Variants in PIEZO2 observed in about 807,000 individuals in gnomAD.
PIEZO2 encodes the protein piezo type mechanosensitive ion channel component 2.
In PIEZO2, 172 loss-of-function variants were observed where a neutral mutation model predicts 337.3. That is an observed-to-expected ratio of 0.51 (90% CI 0.45 to 0.58). The LOEUF (loss-of-function observed/expected upper bound fraction) is 0.58. PIEZO2 is among the 20% of genes least tolerant of loss of function. The probability of loss-of-function intolerance (pLI) is 0.00; values close to 1 mark genes in which losing one functional copy is unlikely to be tolerated. For synonymous variants in PIEZO2, 1,251 were observed against 1,228.5 expected (o/e 1.02, Z -0.38); for missense variants, 3,028 against 3,391.3 (o/e 0.89, Z 2.66).
chr18:11,085,290 C>A (rs574588993), intron 1 of PIEZO2, among the ~76,000 whole-genome samples: 35 of 152,274 alleles, frequency 2.3e-4, no homozygotes, highest in African/African-American at 8.2e-4. Context: ...CTGGCCCCAG[C>A]ATTCCAGACC....
intron 35 of PIEZO2, among the ~76,000 whole-genome samples, chr18:10,731,817 G>A (rs191363699): frequency 1.7e-4 from 26 of 152,248 alleles, no homozygotes; most frequent in East Asian, 1.9e-4. Flanking sequence ...ACTTATTACT[G>A]ATGCTTTTGC....
chr18:10,742,248 G>T (rs1262868921), intron 32 of PIEZO2, among the ~76,000 whole-genome samples: 4 of 152,186 alleles, frequency 2.6e-5, no homozygotes, highest in Non-Finnish European at 5.9e-5. Flanking sequence ...CAAAAGCTAG[G>T]TTATGTATTT....
At position 10,863,098 on chromosome 18, in the gene PIEZO2, A is replaced by G. The variant is rs1219188228; in HGVS notation, c.493-5887T>C. 6.6e-6 allele frequency among the ~76,000 whole-genome samples: 1 copy of G among 152,200 alleles called. No individual in the cohort carries two copies. Among genetic ancestry groups the G allele is most frequent in the Non-Finnish European group, 1.5e-5 (1 of 68,030 alleles). ...GCCAAAAGATCTGGGAGGCAAAAGG[A>G]GCATTTTTCTGAAGTGTCATCAATT... On this transcript the variant is annotated intron_variant, in intron 5 of 55. Transcript: ENST00000674853. This position sits in a 1 kb window ranked among gnomAD's most constrained non-coding sequence, Gnocchi z 4.3.
At chr18:10,851,370 C>G (rs2041547204) in intron 7 of PIEZO2, among the ~76,000 whole-genome samples, 1 of 152,096 alleles carries the variant, frequency 6.6e-6, no homozygotes, top group South Asian at 2.1e-4. Context: ...CATTGTTTAG[C>G]TCACATTTTC....
chr18:11,010,047 T>C (rs1170913474), intron 2 of PIEZO2, among the ~76,000 whole-genome samples: 1 of 152,112 alleles, frequency 6.6e-6, no homozygotes, highest in East Asian at 1.9e-4. Context: ...GTACAGGCAA[T>C]TGCATGAAAA....
chr18:11,019,468 C>A (rs1346277586), intron 2 of PIEZO2, among the ~76,000 whole-genome samples: 3 of 152,194 alleles, frequency 2.0e-5, no homozygotes, highest in Non-Finnish European at 4.4e-5. Context: ...TTTGTACTTT[C>A]TGGTGTGGTA....
chr18:10,705,131 G>T (rs1424961996), intron 41 of PIEZO2, among the ~76,000 whole-genome samples: 1 of 152,310 alleles, frequency 6.6e-6, no homozygotes, highest in East Asian at 1.9e-4. Context: ...ACAAGGCTCT[G>T]GGTTTTGCTG....
chr18:10,954,713 G>T lies in PIEZO2; in HGVS notation c.286+24822C>A, dbSNP rs1195534344. ...ACTGGTTGCCATGGTGATGGCTGTG[G>T]CAGAAGCAAGTGGCCACAGGTCCCA... On this transcript the variant is annotated intron_variant, in intron 3 of 55. Coordinates refer to ENST00000674853, the MANE Select transcript of PIEZO2 (RefSeq NM_001378183.1). The surrounding 1 kb of genome is among the most constrained non-coding windows in gnomAD (Gnocchi z 4.2). Among the ~76,000 whole-genome samples, 1 of 152,172 alleles carries T rather than the reference G, an allele frequency of 6.6e-6. No individual in the cohort carries two copies. The highest frequency in any genetic ancestry group is 2.4e-5 in the African/African-American group (1 of 41,434).
intron 4 of PIEZO2, among the ~76,000 whole-genome samples, chr18:10,879,706 T>C (rs759438397): frequency 1.3e-5 from 2 of 152,160 alleles, no homozygotes; most frequent in Non-Finnish European, 2.9e-5. Flanking sequence ...CCAATCTTGT[T>C]AGAGTCATAC....
rs1322310087 is a variant in PIEZO2, at chr18:11,038,208, G to A, written c.160+27919C>T. Among the ~76,000 whole-genome samples, 1 of 151,946 alleles carries A rather than the reference G, an allele frequency of 6.6e-6. No individual in the cohort carries two copies. The highest frequency in any genetic ancestry group is 1.5e-5 in the Non-Finnish European group (1 of 67,996). On this transcript the variant is annotated intron_variant, in intron 2 of 55. Coordinates refer to ENST00000674853, the MANE Select transcript of PIEZO2 (RefSeq NM_001378183.1). The surrounding 1 kb of genome is among the most constrained non-coding windows in gnomAD (Gnocchi z 4.1). ...TCCTAGTCACCAGAACCACTATACAGTAACACAGCCATAAAAATCATACCA... is the reference window on the plus strand; with the variant it reads ...TCCTAGTCACCAGAACCACTATACAATAACACAGCCATAAAAATCATACCA...
Position 10,736,775 on chromosome 18 carries a change from T to C in PIEZO2, c.4709-65A>G, listed in dbSNP as rs1374528895. ...TATAAGGAAATTGGGGGCTTATTAA[T>C]GAAATGTCCCCTAAAGATACACAAA... On this transcript the variant is annotated intron_variant, in intron 33 of 55. Transcript: ENST00000674853. 7 of 1,484,554 alleles carry C rather than the reference T, an allele frequency of 4.7e-6. No homozygotes were observed. The East Asian group carries it at 1.7e-4, about 37-fold the overall frequency. The allele number at this position is 1,484,554 out of a possible 1,614,324, so 92.0% of individuals were successfully genotyped here. A position where few individuals can be genotyped will look rare whatever the true frequency, so the allele number is the denominator to read the frequency against.
chr18:10,948,452 ACCCT>A (rs1321244244), intron 3 of PIEZO2, among the ~76,000 whole-genome samples: 1 of 152,162 alleles, frequency 6.6e-6, no homozygotes, highest in African/African-American at 2.4e-5. Context: ...ATGCCAAATA[ACCCT>A]AATGAAATTT....
rs188601336 is a variant in PIEZO2 at position 11,032,038 on chromosome 18, A to G, written c.160+34089T>C. On this transcript the variant is annotated intron_variant, in intron 2 of 55. Transcript: ENST00000674853. This position sits in a 1 kb window ranked among gnomAD's most constrained non-coding sequence, Gnocchi z 4.9. ...ACTGCTGATTCCAATGACGATGGCA[A>G]TAAAGTAATGATGACAAGAGCTACC... Among the ~76,000 whole-genome samples, 152 of 152,294 alleles carry G rather than the reference A, an allele frequency of 1.0e-3. No individual in the cohort carries two copies. The highest frequency in any genetic ancestry group is 3.6e-3 in the African/African-American group (148 of 41,558).
At chr18:10,931,241 C>T (rs757591366) in intron 3 of PIEZO2, among the ~76,000 whole-genome samples, 1 of 151,826 alleles carries the variant, frequency 6.6e-6, no homozygotes, top group Non-Finnish European at 1.5e-5. Flanking sequence ...TGTTTGTCGC[C>T]CAGGCTGGAG....
chr18:10,976,446 C>G (rs146217088), intron 3 of PIEZO2, among the ~76,000 whole-genome samples: 34 of 152,156 alleles, frequency 2.2e-4, no homozygotes, highest in Non-Finnish European at 4.4e-4. Flanking sequence ...TTCACTCAAT[C>G]TTTCACATAT....
In PIEZO2 at chr18:10,726,798, C is replaced by A. The variant is rs2036563067; in HGVS notation, c.5029+4609G>T. 1.3e-6 allele frequency: 2 copies of A among 1,554,186 alleles called. No homozygotes were observed. Among genetic ancestry groups the A allele is most frequent in the Non-Finnish European group, 1.8e-6 (2 of 1,132,600 alleles). Reference sequence around the variant, plus strand: ...AGGTGTCCTATGAGGATGTGGACCACCTGCGGCCCCATGGGGTGCTGGATA... The same window carrying A: ...AGGTGTCCTATGAGGATGTGGACCAACTGCGGCCCCATGGGGTGCTGGATA... On this transcript the variant is annotated intron_variant, in intron 36 of 55. Transcript: ENST00000674853. The surrounding 1 kb of genome is among the most constrained non-coding windows in gnomAD (Gnocchi z 5.9).
chr18:10,795,750 C>T lies in PIEZO2; in HGVS notation c.1528-748G>A, dbSNP rs1342490741. Among the ~76,000 whole-genome samples, 4 of 152,122 alleles carry T rather than the reference C, an allele frequency of 2.6e-5. No homozygotes were observed. Among genetic ancestry groups the T allele is most frequent in the African/African-American group, 9.7e-5 (4 of 41,428 alleles). On this transcript the variant is annotated intron_variant, in intron 12 of 55. Coordinates refer to ENST00000674853, the MANE Select transcript of PIEZO2 (RefSeq NM_001378183.1). The surrounding 1 kb of genome is among the most constrained non-coding windows in gnomAD (Gnocchi z 4.4). ...TGCCTGGGGAAACCGTGCCTAGGTT[C>T]TGTGTCCCTTGAGTTAAAGAATATT...
At position 11,096,860 on chromosome 18, in the gene PIEZO2, G is replaced by A. The variant is rs1018402969; in HGVS notation, c.65-30638C>T. ...TGGGAACAACATGGACTTCAGGGGG[G>A]TGGTACCACAGTGGCAGAGAATCAC... On this transcript the variant is annotated intron_variant, in intron 1 of 55. Coordinates refer to ENST00000674853, the MANE Select transcript of PIEZO2 (RefSeq NM_001378183.1). The surrounding 1 kb of genome is among the most constrained non-coding windows in gnomAD (Gnocchi z 4.6). Among the ~76,000 whole-genome samples the A allele has an allele frequency of 6.6e-6, 1 of 152,170 alleles. No homozygotes were observed. The highest frequency in any genetic ancestry group is 2.4e-5 in the African/African-American group (1 of 41,444).
Position 10,878,899 on chromosome 18 carries a change from A to C in PIEZO2, c.330-7484T>G, listed in dbSNP as rs2042337646. Among the ~76,000 whole-genome samples, 1 of 152,168 alleles carries C rather than the reference A, an allele frequency of 6.6e-6. No individual in the cohort carries two copies. The highest frequency in any genetic ancestry group is 2.4e-5 in the African/African-American group (1 of 41,428). ...ACAGTGACGTGGCTGCTGGTAGTGC[A>C]GGTGGTGTTTTCACAATGAGTGTCA... On this transcript the variant is annotated intron_variant, in intron 4 of 55. Coordinates refer to ENST00000674853, the MANE Select transcript of PIEZO2 (RefSeq NM_001378183.1). This position sits in a 1 kb window ranked among gnomAD's most constrained non-coding sequence, Gnocchi z 4.3.
Sources: gnomAD v4.1 joint callset for allele counts (sites outside exome capture counted in the v4.1 genomes callset) on GRCh38, gnomAD v4.1.1 for gene constraint, Gnocchi (gnomAD v3.1) non-coding constraint, MANE v1.5 for transcripts, NCBI Gene and HGNC (gene_info 2026-07-23, HGNC 2026-07-21) for gene names.